FNDC1: variants seen among roughly 807,000 people sequenced by gnomAD.
The protein encoded by FNDC1 is fibronectin type III domain containing 1, also known as fibronectin type III domain-containing protein 1.
In FNDC1, 96 loss-of-function variants were observed where a neutral mutation model predicts 168.0. The observed-to-expected ratio is 0.57, with a 90% confidence interval of 0.48 to 0.68. The LOEUF (loss-of-function observed/expected upper bound fraction) is 0.68. FNDC1 is among the 30% of genes least tolerant of loss of function. The probability of loss-of-function intolerance (pLI) is 0.00; values close to 1 mark genes in which losing one functional copy is unlikely to be tolerated. For synonymous variants in FNDC1, 1,099 were observed against 1,025.9 expected (o/e 1.07, Z -1.36); for missense variants, 2,587 against 2,482.1 (o/e 1.04, Z -0.90).
At chr6:159,172,075 C>A (rs1186848898) in intron 1 of FNDC1, among the ~76,000 whole-genome samples, 1 of 152,124 alleles carries the variant, frequency 6.6e-6, no homozygotes, top group Non-Finnish European at 1.5e-5. Flanking sequence ...TTGCCAGTTT[C>A]ATTAAGAATG....
intron 1 of FNDC1, among the ~76,000 whole-genome samples, chr6:159,192,153 C>A (rs370958372): frequency 1.3e-5 from 2 of 152,188 alleles, no homozygotes; most frequent in African/African-American, 2.4e-5. Context: ...GCTGGGATAA[C>A]CTACGTGAGC....
chr6:159,187,205 G>A (rs1185719634), intron 1 of FNDC1, among the ~76,000 whole-genome samples: 3 of 152,312 alleles, frequency 2.0e-5, no homozygotes, highest in East Asian at 3.9e-4. Flanking sequence ...GTAGAATCCA[G>A]TAAGTTAGAG....
chr6:159,258,222 C>G (rs1411824890), intron 18 of FNDC1, among the ~76,000 whole-genome samples: 2 of 152,202 alleles, frequency 1.3e-5, no homozygotes, highest in African/African-American at 4.8e-5. Flanking sequence ...GGTGGAACAT[C>G]TGGGCTGGGC....
chr6:159,184,257 G>T (rs1242384304), intron 1 of FNDC1, among the ~76,000 whole-genome samples: 2 of 152,220 alleles, frequency 1.3e-5, no homozygotes, highest in Admixed American at 6.5e-5. Flanking sequence ...TAGGCACTCA[G>T]TAAATCTCTG....
At position 159,246,033 on chromosome 6, in the gene FNDC1, C is replaced by T. The variant is rs1227955494; in HGVS notation, c.4622-868C>T. 1.2e-3 allele frequency among the ~76,000 whole-genome samples: 4 copies of T among 3,242 alleles called. 2 individuals carry two copies. Among genetic ancestry groups the T allele is most frequent in the African/African-American group, 2.8e-3 (4 of 1,404 alleles). The allele number at this position is 3,242 out of a possible 152,430, so 2.1% of individuals were successfully genotyped here. Reference sequence around the variant, plus strand: ...CCTCCCAAAGTGCTGGGATTACAGGCGTGAGCCACCGTGCCCGGCGTCATT... The same window carrying T: ...CCTCCCAAAGTGCTGGGATTACAGGTGTGAGCCACCGTGCCCGGCGTCATT... On this transcript the variant is annotated intron_variant, in intron 14 of 22. Transcript: ENST00000297267.
In FNDC1 at chr6:159,232,974, G is replaced by C; in HGVS notation, c.2462G>C (p.Arg821Thr). The C allele has an allele frequency of 6.2e-7, 1 of 1,611,882 alleles. No individual in the cohort carries two copies. Among genetic ancestry groups the C allele is most frequent in the Non-Finnish European group, 8.5e-7 (1 of 1,179,608 alleles). The change falls in exon 11 of 23, where the codon AGA (arginine) becomes ACA (threonine). Residue 821 changes from arginine (R) to threonine (T), a missense_variant. Coordinates refer to ENST00000297267, the MANE Select transcript of FNDC1 (RefSeq NM_032532.3). The surrounding 1 kb of genome is among the most constrained non-coding windows in gnomAD (Gnocchi z 4.9). ...RPASGHFHLL[R>T]HKPFAANGRS... is the part of the protein sequence containing the mutation. ...GCCTCTGGACACTTCCATTTGCTCA[G>C]ACACAAACCCTTTGCTGCCAACGGG... is the stretch of plus-strand genomic sequence containing the variant.
At chr6:159,269,204 C>T (rs200107357) in intron 22 of FNDC1, among the ~76,000 whole-genome samples, 1 of 118,130 alleles carries the variant, frequency 8.5e-6, no homozygotes, top group African/African-American at 3.5e-5. Flanking sequence ...TCTACCTATT[C>T]ATATCTATCT....
chr6:159,253,450 C>A (rs1777313119), intron 17 of FNDC1, among the ~76,000 whole-genome samples: 1 of 152,208 alleles, frequency 6.6e-6, no homozygotes, highest in African/African-American at 2.4e-5. Context: ...CATTTGAATC[C>A]TGCTGGCTAC....
Position 159,200,015 on chromosome 6 carries a change from T to C in FNDC1, c.324T>C (p.Phe108=). 6.2e-7 allele frequency: 1 copy of C among 1,606,244 alleles called. No homozygotes were observed. Among genetic ancestry groups the C allele is most frequent in the Non-Finnish European group, 8.5e-7 (1 of 1,176,262 alleles). The change falls in exon 3 of 23, where the codon TTT becomes TTC. Residue 108 remains phenylalanine (F), a synonymous_variant. Transcript: ENST00000297267. ...TTTCAGAGCCGGGGGTAGTGTACTT[T>C]GTGCTGCTTACTGCAGAAAACCACA... ...IEDVEPGVVY[F]VLLTAENHSG...
Position 159,215,078 on chromosome 6 carries a change from C to T in FNDC1, c.594C>T (p.Tyr198=), listed in dbSNP as rs531853879. Residue 198 remains tyrosine (Y), a synonymous_variant, in exon 5 of 23, where the codon TAC becomes TAT. Transcript: ENST00000297267. ...GATCACGGGGTTTTCTCCTGGGCTA[C>T]GGGGAGAGTGGCCGGAAGATGAATT... ...PRRSRGFLLG[Y]GESGRKMNYV... is the part of the protein sequence containing the mutation. 54 of 1,613,944 alleles carry T rather than the reference C, an allele frequency of 3.3e-5. No homozygotes were observed. The highest frequency in any genetic ancestry group is 5.0e-5 in the Admixed American group (3 of 60,024).
rs538507376 is a variant in FNDC1 at position 159,232,937 on chromosome 6, C to A, written c.2425C>A (p.Arg809=). The A allele has an allele frequency of 6.2e-7, 1 of 1,609,712 alleles. No individual in the cohort carries two copies. The part of the protein sequence containing the change: ...RQAEATAQTL[R]ARPASGHFHL... The stretch of plus-strand genomic sequence containing the variant: ...GGCGGAGGCCACGGCCCAGACGCTG[C>A]GGGCCCGGCCTGCCTCTGGACACTT... The change falls in exon 11 of 23, where the codon CGG becomes AGG. Residue 809 remains arginine, a synonymous_variant. Transcript: ENST00000297267. This position sits in a 1 kb window ranked among gnomAD's most constrained non-coding sequence, Gnocchi z 4.9.
Position 159,233,129 on chromosome 6 carries a change from T to C in FNDC1, c.2617T>C (p.Ser873Pro). 1 of 1,603,950 alleles carries C rather than the reference T, an allele frequency of 6.2e-7. No individual in the cohort carries two copies. Among genetic ancestry groups the C allele is most frequent in the Non-Finnish European group, 8.5e-7 (1 of 1,175,678 alleles). ...SHSDSHPKLSSGIHGDEEDEK... is the reference protein window; with the variant it reads ...SHSDSHPKLSPGIHGDEEDEK... ...CTCTGATTCCCACCCTAAGCTTAGCTCAGGTATCCATGGAGACGAGGAGGA... is the reference window on the plus strand; with the variant it reads ...CTCTGATTCCCACCCTAAGCTTAGCCCAGGTATCCATGGAGACGAGGAGGA... The change falls in exon 11 of 23, where the codon TCA becomes CCA. Residue 873 changes from serine to proline, a missense_variant. By Grantham distance (74) the Ser-to-Pro change is moderately conservative. Coordinates refer to ENST00000297267, the MANE Select transcript of FNDC1 (RefSeq NM_032532.3). This position sits in a 1 kb window ranked among gnomAD's most constrained non-coding sequence, Gnocchi z 4.6.
Position 159,232,441 on chromosome 6 carries a change from C to T in FNDC1, c.1929C>T (p.Asp643=). The change falls in exon 11 of 23, where the codon GAC becomes GAT. Residue 643 remains aspartate (D), a synonymous_variant. Transcript: ENST00000297267. This position sits in a 1 kb window ranked among gnomAD's most constrained non-coding sequence, Gnocchi z 4.9. ...TGCCTGCCAGCTTGAATGACAACGACTTGGTGGACTCAGACGAAGATGAGC... is the reference window on the plus strand; with the variant it reads ...TGCCTGCCAGCTTGAATGACAACGATTTGGTGGACTCAGACGAAGATGAGC... The part of the protein sequence containing the change: ...PSLPASLNDN[D]LVDSDEDERA... 6.2e-7 allele frequency: 1 copy of T among 1,611,912 alleles called. No homozygotes were observed. The highest frequency in any genetic ancestry group is 8.5e-7 in the Non-Finnish European group (1 of 1,178,528).
chr6:159,246,750 C>A, intron 14 of FNDC1, 151 bp from the exon 15 acceptor site: 2 of 602,308 alleles, frequency 3.3e-6, no homozygotes, highest in Admixed American at 2.9e-5. Context: ...TGATGATTTT[C>A]CTCCTGAAAA....
In FNDC1 at chr6:159,271,996, T is replaced by A. The variant is rs1429391764; in HGVS notation, c.*554T>A. ...CCACTGCTAGAATAAATGTATCAAA[T>A]CTTATTTGTAAATTCTCAATTTTGA... is the stretch of plus-strand genomic sequence containing the variant. On this transcript the variant is annotated 3_prime_UTR_variant, in exon 23 of 23. Coordinates refer to ENST00000297267, the MANE Select transcript of FNDC1 (RefSeq NM_032532.3). 1 of 152,900 alleles carries A rather than the reference T, an allele frequency of 6.5e-6. No homozygotes were observed. Among genetic ancestry groups the A allele is most frequent in the African/African-American group, 2.4e-5 (1 of 41,456 alleles). The allele number at this position is 152,900 out of a possible 1,614,324, so 9.5% of individuals were successfully genotyped here. A position where few individuals can be genotyped will look rare whatever the true frequency, so the allele number is the denominator to read the frequency against.
chr6:159,236,275 A>G lies in FNDC1; in HGVS notation c.4028A>G (p.Asn1343Ser), dbSNP rs746847600. The G allele has an allele frequency of 1.2e-6, 2 of 1,613,792 alleles. No individual in the cohort carries two copies. Among genetic ancestry groups the G allele is most frequent in the South Asian group, 2.2e-5 (2 of 91,016 alleles). Residue 1343 changes from asparagine (N) to serine (S), a missense_variant, in exon 12 of 23, where the codon AAT becomes AGT. Physicochemically the swap from Asn to Ser is conservative, Grantham distance 46 (BLOSUM62 1). Transcript: ENST00000297267. ...CTTCCTGGTAGTAATGGAAAACCGA[A>G]TGGACAGAGAATTATCAATGGCCCT... is the stretch of plus-strand genomic sequence containing the variant. ...KVLPGSNGKP[N>S]GQRIINGPQG...
chr6:159,258,850 A>G (rs1320700829), intron 18 of FNDC1, among the ~76,000 whole-genome samples: 2 of 152,224 alleles, frequency 1.3e-5, no homozygotes, highest in East Asian at 3.8e-4. Context: ...TCGTCATCTC[A>G]GTCTTCATGG....
At chr6:159,266,467 G>A (rs1363928336) in intron 21 of FNDC1, among the ~76,000 whole-genome samples, 4 of 152,126 alleles carry the variant, frequency 2.6e-5, no homozygotes, top group South Asian at 2.1e-4. Flanking sequence ...TATGTTGGCC[G>A]GGCACAGTGG....
chr6:159,245,498 C>A (rs1202688871), intron 14 of FNDC1, among the ~76,000 whole-genome samples: 1 of 151,980 alleles, frequency 6.6e-6, no homozygotes, highest in Non-Finnish European at 1.5e-5. Flanking sequence ...TTTTTTTTAG[C>A]TATAAAACCT....
Sources: allele counts gnomAD v4.1 joint callset (sites outside exome capture counted in the v4.1 genomes callset), GRCh38; gene constraint gnomAD v4.1.1; non-coding constraint Gnocchi (gnomAD v3.1); transcripts MANE v1.5; gene names NCBI Gene and HGNC (gene_info 2026-07-23, HGNC 2026-07-21).